Variants in TESC observed in about 807,000 individuals in gnomAD.
TESC encodes calcineurin B homologous protein 3.
TESC carries 19 observed loss-of-function variants against 31.0 expected under a neutral mutation model. That is an observed-to-expected ratio of 0.61 (90% confidence interval 0.43 to 0.90). The LOEUF is 0.90. TESC is among the 40% of genes least tolerant of loss of function. The pLI, the probability that TESC is intolerant of heterozygous loss-of-function variation, is 0.00. For synonymous variants in TESC, 109 were observed against 114.8 expected (o/e 0.95, Z 0.32); for missense variants, 248 against 303.8 (o/e 0.82, Z 1.36).
intron 2 of TESC, among the ~76,000 whole-genome samples, chr12:117,068,765 T>C (rs1954921347): frequency 6.6e-6 from 1 of 152,348 alleles, no homozygotes; most frequent in African/African-American, 2.4e-5. Flanking sequence ...TTTTTTGTAA[T>C]GTGGCTTTAT....
Position 117,099,217 on chromosome 12 carries a change from G to T in TESC, c.58+8C>A. On this transcript the variant is annotated splice_region_variant and intron_variant, in intron 1 of 7. Transcript: ENST00000335209. ...CCGGTCCCCGCGCCGCCCCCCGCGG[G>T]TACTCACAGCCGGTCTTGCCCTCGA... 6.7e-7 allele frequency: 1 copy of T among 1,482,516 alleles called. No individual in the cohort carries two copies. Among genetic ancestry groups the T allele is most frequent in the Non-Finnish European group, 8.9e-7 (1 of 1,124,142 alleles). 91.8% of individuals were successfully genotyped at this position (1,482,516 alleles called of 1,614,324 possible). A position where few individuals can be genotyped will look rare whatever the true frequency, so the allele number is the denominator to read the frequency against.
intron 7 of TESC, among the ~76,000 whole-genome samples, chr12:117,039,775 C>G (rs1477764515): frequency 6.6e-6 from 1 of 152,202 alleles, no homozygotes; most frequent in Admixed American, 6.5e-5. Context: ...CAAACTCAAG[C>G]CCAAAAAGGT....
intron 2 of TESC, among the ~76,000 whole-genome samples, chr12:117,064,622 C>T (rs780656693): frequency 5.3e-5 from 8 of 151,974 alleles, no homozygotes; most frequent in Admixed American, 1.3e-4. Flanking sequence ...TAGGAGAGCA[C>T]AAAAAAGATG....
chr12:117,082,705 T>C (rs977549419), intron 1 of TESC, among the ~76,000 whole-genome samples: 2 of 152,144 alleles, frequency 1.3e-5, no homozygotes, highest in Admixed American at 1.3e-4. Context: ...AAAGTTCATA[T>C]TGATATACAC....
rs184770622 is a variant in TESC, at chr12:117,059,656, A to G, written c.129-2770T>C. Among the ~76,000 whole-genome samples, 212 of 152,246 alleles carry G rather than the reference A, an allele frequency of 1.4e-3. 1 individual carries two copies. Among genetic ancestry groups the G allele is most frequent in the African/African-American group, 4.8e-3 (201 of 41,538 alleles). On this transcript the variant is annotated intron_variant, in intron 2 of 7. Transcript: ENST00000335209. ...CTCAATCTCCATGGGCCTGCTCCAT[A>G]GTGGATCTCGGCTGCAATCTCCGCC...
rs371426311 is a variant in TESC, at chr12:117,056,799, C to T, written c.209+7G>A. 3.8e-5 allele frequency: 62 copies of T among 1,613,920 alleles called. No individual in the cohort carries two copies. Among genetic ancestry groups the T allele is most frequent in the Non-Finnish European group, 5.2e-5 (61 of 1,179,840 alleles). ...GCCACTGGGCTGGTTCAGGGGAAAACGCCCACCTGTTGTCGAAGAAGGCAC... is the reference window on the plus strand; with the variant it reads ...GCCACTGGGCTGGTTCAGGGGAAAATGCCCACCTGTTGTCGAAGAAGGCAC... On this transcript the variant is annotated splice_region_variant and intron_variant, in intron 3 of 7. Transcript: ENST00000335209.
chr12:117,039,056 C>T lies in TESC; in HGVS notation c.*77G>A, dbSNP rs541514425. On this transcript the variant is annotated 3_prime_UTR_variant, in exon 8 of 8. Coordinates refer to ENST00000335209, the MANE Select transcript of TESC (RefSeq NM_017899.4). ...GGCGCTGCAGGAAGAGGCTGTCCGC[C>T]GGGCCTGGGCTGCTCCAGCTACGCG... 87 of 1,527,882 alleles carry T rather than the reference C, an allele frequency of 5.7e-5. 3 individuals are homozygous for T. In the South Asian group the frequency reaches 9.0e-4, roughly 16 times the overall value. The allele number at this position is 1,527,882 out of a possible 1,614,324, so 94.6% of individuals were successfully genotyped here.
At position 117,099,286 on chromosome 12, in the gene TESC, G is replaced by A; in HGVS notation, c.-4C>T. On this transcript the variant is annotated 5_prime_UTR_variant, in exon 1 of 8. Coordinates refer to ENST00000335209, the MANE Select transcript of TESC (RefSeq NM_017899.4). The stretch of plus-strand genomic sequence containing the variant: ...ACGCGGAGTGGGCAGCGCCCATGGT[G>A]CCCGCGGCGGGGGCCCCGGGGCGCG... 7.0e-7 allele frequency: 1 copy of A among 1,436,436 alleles called. No homozygotes were observed. The highest frequency in any genetic ancestry group is 3.1e-5 in the East Asian group (1 of 32,712). 89.0% of individuals were successfully genotyped at this position (1,436,436 alleles called of 1,614,324 possible).
chr12:117,093,283 C>T (rs187689254), intron 1 of TESC, among the ~76,000 whole-genome samples: 2 of 152,358 alleles, frequency 1.3e-5, no homozygotes, highest in East Asian at 1.9e-4. Context: ...ACTTTAGAAC[C>T]AAGAAGTATT....
chr12:117,099,096 G>A, intron 1 of TESC, 129 bp downstream of exon 1: 1 of 995,950 alleles, frequency 1.0e-6, no homozygotes, highest in East Asian at 3.4e-5. Context: ...GAAAGAGGAG[G>A]AGACTGAGGC....
intron 1 of TESC, among the ~76,000 whole-genome samples, chr12:117,075,881 A>ATGTG (rs1955052745): frequency 3.0e-4 from 4 of 13,506 alleles, no homozygotes; most frequent in South Asian, 3.4e-3. Context: ...GTGTGTATAT[A>ATGTG]TATATATATA....
chr12:117,082,973 TCATAC>T (rs1222566768), intron 1 of TESC, among the ~76,000 whole-genome samples: 49 of 151,692 alleles, frequency 3.2e-4, no homozygotes, highest in African/African-American at 1.1e-3. Flanking sequence ...ACTGAAACTC[TCATAC>T]ATTACTAGCG....
rs140498764 is a variant in TESC at position 117,069,364 on chromosome 12, G to A, written c.128+5907C>T. Reference sequence around the variant, plus strand: ...AAGCGATTCTCCTGCTCAGCCTCCCGAGTAGCTGGGATTACAAGCACACAC... The same window carrying A: ...AAGCGATTCTCCTGCTCAGCCTCCCAAGTAGCTGGGATTACAAGCACACAC... On this transcript the variant is annotated intron_variant, in intron 2 of 7. Coordinates refer to ENST00000335209, the MANE Select transcript of TESC (RefSeq NM_017899.4). Among the ~76,000 whole-genome samples the A allele has an allele frequency of 7.2e-3, 1,097 of 152,122 alleles. 13 individuals carry two copies. The highest frequency in any genetic ancestry group is 0.025 in the African/African-American group (1,036 of 41,478).
intron 1 of TESC, among the ~76,000 whole-genome samples, chr12:117,093,767 C>A (rs1955348748): frequency 6.6e-6 from 1 of 151,792 alleles, no homozygotes; most frequent in African/African-American, 2.4e-5. Context: ...GAGGTCTGAA[C>A]TCTAGGTCTG....
chr12:117,047,738 ATTATTG>A (rs926799227), intron 4 of TESC, among the ~76,000 whole-genome samples: 2 of 151,354 alleles, frequency 1.3e-5, no homozygotes, highest in Admixed American at 6.6e-5. Context: ...TTTATTTTTT[ATTATTG>A]TTATTATTTT....
chr12:117,088,695 A>AT (rs71907308), intron 1 of TESC, among the ~76,000 whole-genome samples: 1 of 151,884 alleles, frequency 6.6e-6, no homozygotes, highest in Non-Finnish European at 1.5e-5. Flanking sequence ...AAAAAAAAAA[A>AT]ATGTACAAGG....
In TESC at chr12:117,077,160, C is replaced by A. The variant is rs186609157; in HGVS notation, c.59-1820G>T. On this transcript the variant is annotated intron_variant, in intron 1 of 7. Transcript: ENST00000335209. ...GCTCAGTATTCTCAAGCATCTCCAGCAGCTCGTTAAGGCTGTCAACCCAGA... is the reference window on the plus strand; with the variant it reads ...GCTCAGTATTCTCAAGCATCTCCAGAAGCTCGTTAAGGCTGTCAACCCAGA... Among the ~76,000 whole-genome samples the A allele has an allele frequency of 7.9e-5, 12 of 152,320 alleles. No individual in the cohort carries two copies. The East Asian group carries it at 2.3e-3, about 29-fold the overall frequency.
intron 4 of TESC, chr12:117,048,760 C>T (rs894807224): frequency 1.1e-5 from 7 of 627,246 alleles, no homozygotes; most frequent in African/African-American, 9.0e-5. Flanking sequence ...CATCAAGGGC[C>T]TTGTTTCACA....
chr12:117,053,741 C>A (rs542066718), intron 3 of TESC, among the ~76,000 whole-genome samples: 1 of 152,062 alleles, frequency 6.6e-6, no homozygotes, highest in African/African-American at 2.4e-5. Context: ...CTCGCGTGCG[C>A]GCGCACGCGC....
Sources: allele counts gnomAD v4.1 joint callset (sites outside exome capture counted in the v4.1 genomes callset), GRCh38; gene constraint gnomAD v4.1.1; transcripts MANE v1.5; gene names NCBI Gene and HGNC (gene_info 2026-07-23, HGNC 2026-07-21).